The following NSF variants were observed in gnomAD, a reference collection of about 807,000 sequenced individuals.
NSF encodes the protein N-ethylmaleimide sensitive factor, vesicle fusing ATPase, also known as vesicle-fusing ATPase.
NSF carries 14 observed loss-of-function variants against 50.3 expected under a neutral mutation model. The ratio of observed to expected loss-of-function variants is 0.28; its 90% confidence interval spans 0.18 to 0.44. The LOEUF (loss-of-function observed/expected upper bound fraction) is 0.44, where lower values mean the gene tolerates loss of function less well. NSF is among the 20% of genes least tolerant of loss of function. The pLI is 1.00. For missense variants in NSF, 218 were observed against 504.3 expected (o/e 0.43, Z 5.44); for synonymous variants, 109 against 175.7 (o/e 0.62, Z 3.00).
At chr17:46,709,930 A>G (rs1253893982) in intron 13 of NSF, among the ~76,000 whole-genome samples, 2 of 152,236 alleles carry the variant, frequency 1.3e-5, no homozygotes, top group African/African-American at 2.4e-5. Flanking sequence ...AAGGACCAGT[A>G]TATGCAAAGA....
At chr17:46,621,946 C>CT (rs1189113293) in intron 1 of NSF, among the ~76,000 whole-genome samples, 1 of 140,816 alleles carries the variant, frequency 7.1e-6, no homozygotes. Flanking sequence ...TGGTCCTTGG[C>CT]TTTTTTTAGG....
chr17:46,755,720 T>G, intron 20 of NSF, 82 bp from the exon 21 acceptor site: 1 of 1,297,700 alleles, frequency 7.7e-7, no homozygotes, highest in Non-Finnish European at 1.1e-6. Context: ...AAGCTTTTAG[T>G]GATTTTTTTT....
intron 17 of NSF, among the ~76,000 whole-genome samples, chr17:46,730,233 G>A (rs2058936077): frequency 6.6e-6 from 1 of 152,110 alleles, no homozygotes; most frequent in African/African-American, 2.4e-5. Flanking sequence ...AAAACTTTAT[G>A]TCAGCATATT....
chr17:46,723,490 C>G (rs1237950949), intron 15 of NSF, among the ~76,000 whole-genome samples: 1 of 152,210 alleles, frequency 6.6e-6, no homozygotes, highest in Non-Finnish European at 1.5e-5. Flanking sequence ...CCAAAAGGAA[C>G]CATCATTGTG....
At position 46,646,502 on chromosome 17, in the gene NSF, CAAAAAAAAAAA is replaced by C. The variant is rs1158578265; in HGVS notation, c.745+3266_745+3276del. On this transcript the variant is annotated intron_variant, in intron 8 of 20. Coordinates refer to ENST00000398238, the MANE Select transcript of NSF (RefSeq NM_006178.4). ...TGGGCGACAGAGCGAGACTCCATCT[CAAAAAAAAAAA>C]AAAAAAAAAAAAAAAAAAAAAAGAA... Among the ~76,000 whole-genome samples, 3 of 502 alleles carry C rather than the reference CAAAAAAAAAAA, an allele frequency of 6.0e-3. 1 individual carries two copies. The highest frequency in any genetic ancestry group is 0.031 in the Non-Finnish European group (2 of 64). 0.3% of individuals were successfully genotyped at this position (502 alleles called of 152,430 possible). A position where few individuals can be genotyped will look rare whatever the true frequency, so the allele number is the denominator to read the frequency against.
rs1436045862 is a variant in NSF at position 46,704,799 on chromosome 17, G to A, written c.1415G>A (p.Ser472Asn). 1.9e-6 allele frequency: 3 copies of A among 1,608,244 alleles called. No homozygotes were observed. In the South Asian group the frequency reaches 3.3e-5, roughly 18 times the overall value. ...KVEVDMEKAE[S>N]LQVTRGDFLA... ...GAAGTGGACATGGAGAAAGCAGAAA[G>A]CCTGCAAGTGACGAGAGGAGACTTC... The change falls in exon 13 of 21, where the codon AGC (serine) becomes AAC (asparagine). Residue 472 changes from serine (S) to asparagine (N), a missense_variant. By Grantham distance (46) the Ser-to-Asn change is conservative (BLOSUM62 1). Coordinates refer to ENST00000398238, the MANE Select transcript of NSF (RefSeq NM_006178.4).
At chr17:46,733,194 G>T (rs1187316283) in intron 17 of NSF, among the ~76,000 whole-genome samples, 1 of 152,158 alleles carries the variant, frequency 6.6e-6, no homozygotes, top group Non-Finnish European at 1.5e-5. Flanking sequence ...ATTTATGGAA[G>T]TTGAGGGGAA....
In NSF at chr17:46,721,789, G is replaced by A. The variant is rs994447878; in HGVS notation, c.1762-4760G>A. Reference sequence around the variant, plus strand: ...AGACCAAGTCCTCAAGGAAGGCATCGTGCACAGCTGTCAGAGTACGGCTCC... The same window carrying A: ...AGACCAAGTCCTCAAGGAAGGCATCATGCACAGCTGTCAGAGTACGGCTCC... On this transcript the variant is annotated intron_variant, in intron 15 of 20. Transcript: ENST00000398238. The A allele has an allele frequency of 5.2e-5, 84 of 1,601,024 alleles. No individual in the cohort carries two copies. The African/African-American group carries it at 9.2e-4, about 18-fold the overall frequency.
At chr17:46,724,096 C>T (rs974743476) in intron 15 of NSF, among the ~76,000 whole-genome samples, 1 of 152,168 alleles carries the variant, frequency 6.6e-6, no homozygotes, top group African/African-American at 2.4e-5. Flanking sequence ...ATGTTCACAT[C>T]TCTGTGTCTC....
chr17:46,691,421 C>G (rs1178979536), intron 9 of NSF, among the ~76,000 whole-genome samples: 1 of 112,390 alleles, frequency 8.9e-6, no homozygotes, highest in Non-Finnish European at 1.8e-5. Flanking sequence ...ATGGTGAAAC[C>G]CCGTCTCTAC....
At chr17:46,659,356 CCCTT>C (rs145281367) in intron 8 of NSF, among the ~76,000 whole-genome samples, 48,060 of 72,406 alleles carry the variant, frequency 0.66, 16,067 homozygotes, top group South Asian at 0.78. Flanking sequence ...TTCTTTCTGC[CCCTT>C]CCTTAGCAAT....
intron 15 of NSF, among the ~76,000 whole-genome samples, chr17:46,725,087 A>G (rs553803204): frequency 1.3e-5 from 2 of 152,338 alleles, no homozygotes; most frequent in South Asian, 2.1e-4. Flanking sequence ...AGGGCTTGCA[A>G]TCTAGTATAA....
intron 17 of NSF, among the ~76,000 whole-genome samples, chr17:46,746,877 A>G (rs2059134238): frequency 6.6e-6 from 1 of 152,158 alleles, no homozygotes. Context: ...TAATTGAGAG[A>G]CTGATCTGGA....
At chr17:46,710,421 A>G (rs191231382) in intron 13 of NSF, among the ~76,000 whole-genome samples, 52 of 152,280 alleles carry the variant, frequency 3.4e-4, no homozygotes, top group Admixed American at 3.0e-3. Context: ...CCTCATTTCT[A>G]TCTCATCCTA....
chr17:46,631,061 T>TACACACACACACACACACACACAC (rs61399986), intron 4 of NSF, among the ~76,000 whole-genome samples: 78 of 122,834 alleles, frequency 6.4e-4, no homozygotes, highest in African/African-American at 8.6e-4. Flanking sequence ...TCTCTCTCTG[T>TACACACACACACACACACACACAC]ACACACACAC....
chr17:46,704,682 A>G, intron 12 of NSF, 77 bp from the exon 13 acceptor site: 1 of 1,533,834 alleles, frequency 6.5e-7, no homozygotes, highest in Non-Finnish European at 8.7e-7. Flanking sequence ...CTCAAGAGTT[A>G]CGTTCTTAAA....
intron 15 of NSF, 61 bp from the exon 16 acceptor site, chr17:46,726,488 C>T (rs1360690900): frequency 6.7e-7 from 1 of 1,498,146 alleles, no homozygotes; most frequent in Non-Finnish European, 9.3e-7. Context: ...AACTAAACTT[C>T]TTGGAAATTG....
intron 17 of NSF, among the ~76,000 whole-genome samples, chr17:46,731,159 TAAAA>T (rs879432467): frequency 6.6e-6 from 1 of 151,616 alleles, no homozygotes; most frequent in African/African-American, 2.4e-5. Flanking sequence ...TACTCAGCAA[TAAAA>T]AAAAGTAGTA....
chr17:46,732,593 ATGAT>A (rs993700199), intron 17 of NSF, among the ~76,000 whole-genome samples: 1 of 152,202 alleles, frequency 6.6e-6, no homozygotes, highest in Non-Finnish European at 1.5e-5. Context: ...AGTTAATTTC[ATGAT>A]TGATTTATTA....
Sources: gnomAD v4.1 joint callset for allele counts (sites outside exome capture counted in the v4.1 genomes callset) on GRCh38, gnomAD v4.1.1 for gene constraint, MANE v1.5 for transcripts, NCBI Gene and HGNC (gene_info 2026-07-23, HGNC 2026-07-21) for gene names.